Variants in ZNF654 observed in about 807,000 individuals in gnomAD.
ZNF654 encodes zinc finger protein 654.
In ZNF654, 19 loss-of-function variants were observed where a neutral mutation model predicts 95.3. The ratio of observed to expected loss-of-function variants is 0.20; its 90% CI spans 0.14 to 0.29. The LOEUF (loss-of-function observed/expected upper bound fraction) is 0.29. ZNF654 is among the 10% of genes least tolerant of loss of function. The pLI, the probability that ZNF654 is intolerant of heterozygous loss-of-function variation, is 1.00. For synonymous variants in ZNF654, 413 were observed against 457.9 expected (o/e 0.90, Z 1.25); for missense variants, 1,046 against 1,341.0 (o/e 0.78, Z 3.44).
chr3:88,089,525 C>T (rs1238384069), intron 2 of ZNF654, among the ~76,000 whole-genome samples: 1 of 151,886 alleles, frequency 6.6e-6, no homozygotes, highest in Non-Finnish European at 1.5e-5. Context: ...ATAACTAAGC[C>T]ATAGAAAAGC....
chr3:88,068,636 A>C (rs1338208903), intron 1 of ZNF654, among the ~76,000 whole-genome samples: 1 of 152,160 alleles, frequency 6.6e-6, no homozygotes, highest in African/African-American at 2.4e-5. Context: ...GGAATGCTTT[A>C]TATATGTATA....
At chr3:88,119,228 CT>C (rs1705607211) in intron 3 of ZNF654, among the ~76,000 whole-genome samples, 1 of 148,174 alleles carries the variant, frequency 6.7e-6, no homozygotes, top group Admixed American at 6.7e-5. Flanking sequence ...AGTTCATGTC[CT>C]TTGTAGGGAC....
chr3:88,060,049 G>T (rs1706770985), intron 1 of ZNF654, among the ~76,000 whole-genome samples: 1 of 152,016 alleles, frequency 6.6e-6, no homozygotes, highest in African/African-American at 2.4e-5. Flanking sequence ...TCCAGTTGGC[G>T]TAGACGCTGA....
At chr3:88,119,822 G>A (rs1002064289) in intron 3 of ZNF654, among the ~76,000 whole-genome samples, 10 of 152,054 alleles carry the variant, frequency 6.6e-5, no homozygotes, top group Admixed American at 4.6e-4. Context: ...GCTAATGATA[G>A]GGTTGTACTT....
At chr3:88,116,979 G>C (rs1417248031) in intron 3 of ZNF654, among the ~76,000 whole-genome samples, 17 of 152,128 alleles carry the variant, frequency 1.1e-4, no homozygotes, top group Non-Finnish European at 1.5e-4. Flanking sequence ...GGAAAGATAA[G>C]ACAGTTTAAA....
chr3:88,121,598 T>C (rs530024938), intron 3 of ZNF654, among the ~76,000 whole-genome samples: 1 of 152,314 alleles, frequency 6.6e-6, no homozygotes, highest in African/African-American at 2.4e-5. Context: ...TTAAACATGA[T>C]TGCCTTTTTG....
rs1229744501 is a variant in ZNF654 at position 88,140,162 on chromosome 3, G to C, written c.2493G>C (p.Gln831His). Reference protein sequence around the residue: ...NCNESFKLPFQLAQHTKSHRI... With the variant: ...NCNESFKLPFHLAQHTKSHRI... Reference sequence around the variant, plus strand: ...ACGAGTCGTTTAAGCTGCCGTTCCAGCTTGCCCAGCACACAAAAAGTCACA... The same window carrying C: ...ACGAGTCGTTTAAGCTGCCGTTCCACCTTGCCCAGCACACAAAAAGTCACA... The change falls in exon 8 of 9, where the codon CAG (glutamine) becomes CAC (histidine). Residue 831 changes from glutamine to histidine, a missense_variant. Gln to His is a conservative substitution (Grantham distance 24). This residue lies in a region of ZNF654 where 495 missense variants were observed against 537.0 expected (regional missense o/e 0.92). Transcript: ENST00000636215. 4 of 1,613,744 alleles carry C rather than the reference G, an allele frequency of 2.5e-6. No individual in the cohort carries two copies. The South Asian group carries it at 3.3e-5, about 13-fold the overall frequency.
chr3:88,075,244 C>T (rs1381204582), intron 1 of ZNF654, among the ~76,000 whole-genome samples: 2 of 152,192 alleles, frequency 1.3e-5, no homozygotes, highest in Non-Finnish European at 2.9e-5. Context: ...GAGCATATCA[C>T]TTACTTGTAG....
chr3:88,077,644 C>A (rs1476587015), intron 1 of ZNF654, among the ~76,000 whole-genome samples: 1 of 151,860 alleles, frequency 6.6e-6, no homozygotes, highest in East Asian at 1.9e-4. Flanking sequence ...ATAGGGAAAC[C>A]TTTTCAAAAT....
At chr3:88,077,331 A>ATTTTTTTTTTTTTTTTTTTTT (rs372006323) in intron 1 of ZNF654, among the ~76,000 whole-genome samples, 1 of 139,694 alleles carries the variant, frequency 7.2e-6, no homozygotes. Flanking sequence ...GCAGACTTAA[A>ATTTTTTTTTTTTTTTTTTTTT]TTGTTTTTTT....
At chr3:88,118,418 G>A (rs1228834299) in intron 3 of ZNF654, among the ~76,000 whole-genome samples, 2 of 152,106 alleles carry the variant, frequency 1.3e-5, no homozygotes, top group South Asian at 2.1e-4. Flanking sequence ...CATGAAAGGA[G>A]TTGAAAAGCC....
chr3:88,073,781 T>TA (rs1707644804), intron 1 of ZNF654, among the ~76,000 whole-genome samples: 1 of 152,206 alleles, frequency 6.6e-6, no homozygotes, highest in East Asian at 1.9e-4. Context: ...TAAAAATTGT[T>TA]AATCAGTAGC....
intron 1 of ZNF654, among the ~76,000 whole-genome samples, chr3:88,077,331 A>AT (rs372006323): frequency 0.035 from 4,882 of 139,668 alleles, 231 homozygotes; most frequent in African/African-American, 0.073. Flanking sequence ...GCAGACTTAA[A>AT]TTGTTTTTTT....
At chr3:88,066,936 T>C (rs985741128) in intron 1 of ZNF654, among the ~76,000 whole-genome samples, 1 of 152,218 alleles carries the variant, frequency 6.6e-6, no homozygotes, top group Non-Finnish European at 1.5e-5. Flanking sequence ...GTTAAAGATA[T>C]TAGGAGATGG....
At chr3:88,132,752 A>G (rs1706541327) in intron 6 of ZNF654, among the ~76,000 whole-genome samples, 1 of 152,216 alleles carries the variant, frequency 6.6e-6, no homozygotes, top group Admixed American at 6.5e-5. Context: ...ATCTCTCTTA[A>G]TTCTTTTAAT....
chr3:88,138,770 T>C lies in ZNF654; in HGVS notation c.1101T>C (p.His367=). ...ICGCALQLDL[H]DDPKTKCLIY... ...GTTGTGCTCTACAACTCGACCTTCA[T>C]GATGATCCCAAAACTAAATGTCTAA... Residue 367 remains histidine, a synonymous_variant, in exon 8 of 9, where the codon CAT becomes CAC. Coordinates refer to ENST00000636215, the MANE Select transcript of ZNF654 (RefSeq NM_001350134.2). The C allele has an allele frequency of 8.1e-7, 1 of 1,232,080 alleles. No individual in the cohort carries two copies. The highest frequency in any genetic ancestry group is 1.0e-6 in the Non-Finnish European group (1 of 987,894). The allele number at this position is 1,232,080 out of a possible 1,614,324, so 76.3% of individuals were successfully genotyped here. A position where few individuals can be genotyped will look rare whatever the true frequency, so the allele number is the denominator to read the frequency against.
intron 1 of ZNF654, among the ~76,000 whole-genome samples, chr3:88,081,271 A>T (rs892837451): frequency 6.6e-6 from 1 of 152,100 alleles, no homozygotes; most frequent in Non-Finnish European, 1.5e-5. Flanking sequence ...GGTGATATTT[A>T]CCTTGATGGC....
chr3:88,107,318 T>G (rs1360366225), intron 2 of ZNF654, among the ~76,000 whole-genome samples: 1 of 152,214 alleles, frequency 6.6e-6, no homozygotes. Context: ...TACTTCAAAT[T>G]GTCAAAATTC....
At chr3:88,135,360 C>T (rs1576348915) in intron 7 of ZNF654, 158 bp downstream of exon 7, 1 of 470,204 alleles carries the variant, frequency 2.1e-6, no homozygotes, top group East Asian at 3.6e-5. Flanking sequence ...GCCCTAACTC[C>T]AAACTCTCAA....
Sources: allele counts gnomAD v4.1 joint callset (sites outside exome capture counted in the v4.1 genomes callset), GRCh38; gene constraint gnomAD v4.1.1; regional missense constraint gnomAD v4.1.1; transcripts MANE v1.5; gene names NCBI Gene and HGNC (gene_info 2026-07-23, HGNC 2026-07-21).